The following ME3 variants were observed in gnomAD, a reference collection of about 807,000 sequenced individuals.
ME3 encodes the protein malic enzyme 3.
Under a neutral mutation model 68.9 loss-of-function variants are expected in ME3, and 48 were observed. The ratio of observed to expected loss-of-function variants is 0.70; its 90% CI spans 0.55 to 0.89. The LOEUF (loss-of-function observed/expected upper bound fraction) is 0.89, where lower values mean the gene tolerates loss of function less well. ME3 is among the 40% of genes least tolerant of loss of function. The pLI, the probability that ME3 is intolerant of heterozygous loss-of-function variation, is 0.00. For synonymous variants in ME3, 320 were observed against 318.8 expected, an observed-to-expected ratio of 1.00 and a Z score of -0.04; for missense variants, 675 against 797.4, an observed-to-expected ratio of 0.85 and a Z score of 1.85.
intron 2 of ME3, among the ~76,000 whole-genome samples, chr11:86,615,498 T>C (rs1211965956): frequency 6.6e-6 from 1 of 152,202 alleles, no homozygotes; most frequent in East Asian, 1.9e-4. Flanking sequence ...TAACCACATC[T>C]TTATACTGCA....
intron 8 of ME3, among the ~76,000 whole-genome samples, chr11:86,457,038 C>A (rs965334094): frequency 6.6e-6 from 1 of 152,178 alleles, no homozygotes; most frequent in East Asian, 1.9e-4. Context: ...CTTGCTTTTC[C>A]CCCTGTTACC....
chr11:86,634,110 G>A (rs1048993295), intron 2 of ME3, among the ~76,000 whole-genome samples: 4 of 151,662 alleles, frequency 2.6e-5, no homozygotes, highest in African/African-American at 9.7e-5. Context: ...TTGGGCATGA[G>A]GAAGGGAAGG....
intron 4 of ME3, among the ~76,000 whole-genome samples, chr11:86,519,465 C>G (rs975631498): frequency 6.6e-6 from 1 of 152,210 alleles, no homozygotes; most frequent in African/African-American, 2.4e-5. Flanking sequence ...AAAAAGAACC[C>G]TGAACAACAC....
chr11:86,616,169 C>T (rs980319887), intron 2 of ME3, among the ~76,000 whole-genome samples: 8 of 152,124 alleles, frequency 5.3e-5, no homozygotes, highest in African/African-American at 1.9e-4. Flanking sequence ...GTGTAATACA[C>T]CGTGATAAGG....
intron 2 of ME3, among the ~76,000 whole-genome samples, chr11:86,623,964 C>A (rs1349547800): frequency 6.6e-6 from 1 of 152,186 alleles, no homozygotes; most frequent in Non-Finnish European, 1.5e-5. Flanking sequence ...GCTTGACGTA[C>A]AACGTGACCC....
intron 7 of ME3, among the ~76,000 whole-genome samples, chr11:86,483,460 T>C (rs1264726098): frequency 6.6e-6 from 1 of 152,038 alleles, no homozygotes; most frequent in Non-Finnish European, 1.5e-5. Flanking sequence ...AGAGCACTAA[T>C]AGAGAAATTG....
rs1235316326 is a variant in ME3, at chr11:86,625,898, AT to A, written c.183+45863del. Among the ~76,000 whole-genome samples, 12 of 152,278 alleles carry A rather than the reference AT, an allele frequency of 7.9e-5. No homozygotes were observed. The East Asian group carries it at 2.3e-3, about 29-fold the overall frequency. ...GTGTCTCTGTATCGTTACCTGTAAA[AT>A]GGGGATAATATGAGTATATACCTCC... On this transcript the variant is annotated intron_variant, in intron 2 of 14. Transcript: ENST00000543262.
chr11:86,482,383 C>T (rs998031908), intron 7 of ME3, among the ~76,000 whole-genome samples: 13 of 152,088 alleles, frequency 8.5e-5, no homozygotes, highest in Non-Finnish European at 1.8e-4. Flanking sequence ...ACTAGGTAGA[C>T]ATGCTCATTG....
chr11:86,488,244 G>C (rs1416467428), intron 6 of ME3, among the ~76,000 whole-genome samples: 2 of 152,168 alleles, frequency 1.3e-5, no homozygotes, highest in African/African-American at 4.8e-5. Context: ...GGACAAAACT[G>C]TCACCGGTTG....
chr11:86,548,323 G>C (rs1383312677), intron 4 of ME3, among the ~76,000 whole-genome samples: 1 of 152,116 alleles, frequency 6.6e-6, no homozygotes, highest in East Asian at 1.9e-4. Flanking sequence ...AGCAATGTGG[G>C]ATCTAGATAC....
chr11:86,542,703 G>C (rs553537792), intron 4 of ME3, among the ~76,000 whole-genome samples: 4 of 152,340 alleles, frequency 2.6e-5, no homozygotes, highest in South Asian at 2.1e-4. Context: ...GTGACGAGGA[G>C]AATGGAACCA....
intron 4 of ME3, among the ~76,000 whole-genome samples, chr11:86,522,905 C>G (rs974193407): frequency 2.6e-5 from 4 of 152,122 alleles, no homozygotes; most frequent in African/African-American, 9.7e-5. Context: ...ATGTTATATG[C>G]AAATACTATA....
chr11:86,563,860 A>G (rs919628546), intron 2 of ME3, among the ~76,000 whole-genome samples: 2 of 152,182 alleles, frequency 1.3e-5, no homozygotes, highest in African/African-American at 2.4e-5. Context: ...AGCTTTAAGT[A>G]TAGTTTGAAG....
At chr11:86,602,198 G>A (rs1484953510) in intron 2 of ME3, among the ~76,000 whole-genome samples, 1 of 150,192 alleles carries the variant, frequency 6.7e-6, no homozygotes, top group African/African-American at 2.4e-5. Flanking sequence ...TGTATATCTA[G>A]AAAACCCCAT....
At chr11:86,439,078 C>A (rs561221056), downstream of ME3, among the ~76,000 whole-genome samples, 2 of 152,238 alleles carry the variant, frequency 1.3e-5, no homozygotes, top group East Asian at 1.9e-4. Flanking sequence ...TCTATTCAGG[C>A]CTTCAACTAA....
chr11:86,503,227 T>C (rs1249238304), intron 5 of ME3, among the ~76,000 whole-genome samples: 5 of 152,156 alleles, frequency 3.3e-5, no homozygotes, highest in Non-Finnish European at 5.9e-5. Flanking sequence ...ATCCAATGAG[T>C]TAATCTATGT....
At chr11:86,610,854 T>C (rs1942519403) in intron 2 of ME3, among the ~76,000 whole-genome samples, 2 of 152,176 alleles carry the variant, frequency 1.3e-5, no homozygotes, top group African/African-American at 4.8e-5. Context: ...AAATAGGTGA[T>C]AAGTGTTTTG....
chr11:86,521,948 T>C (rs1471665305), intron 4 of ME3, among the ~76,000 whole-genome samples: 1 of 152,094 alleles, frequency 6.6e-6, no homozygotes, highest in African/African-American at 2.4e-5. Context: ...CTACTGTGGA[T>C]TGAAAATACT....
intron 8 of ME3, among the ~76,000 whole-genome samples, chr11:86,458,050 C>T (rs61904379): frequency 0.1 from 15,864 of 152,194 alleles, 1,145 homozygotes; most frequent in South Asian, 0.19. Flanking sequence ...GGTCTGGCCA[C>T]GGTGGCTTTG....
Sources: gnomAD v4.1 joint callset for allele counts (sites outside exome capture counted in the v4.1 genomes callset) on GRCh38, gnomAD v4.1.1 for gene constraint, MANE v1.5 for transcripts, NCBI Gene and HGNC (gene_info 2026-07-23, HGNC 2026-07-21) for gene names.